Variants in CDKL4 observed in about 807,000 individuals in gnomAD.
CDKL4 encodes cyclin dependent kinase like 4.
CDKL4 carries 44 observed loss-of-function variants against 42.0 expected under a neutral mutation model. The observed-to-expected ratio is 1.05, with a 90% CI of 0.82 to 1.35. CDKL4 has a LOEUF of 1.35. CDKL4 is among the 40% of genes most tolerant of loss of function. The pLI, the probability that CDKL4 is intolerant of heterozygous loss-of-function variation, is 0.00. For missense variants in CDKL4, 393 were observed against 369.9 expected (o/e 1.06, Z -0.51); for synonymous variants, 120 against 121.6 (o/e 0.99, Z 0.09).
At chr2:39,236,087 C>T (rs1679354332) in intron 1 of CDKL4, among the ~76,000 whole-genome samples, 1 of 144,592 alleles carries the variant, frequency 6.9e-6, no homozygotes, top group Non-Finnish European at 1.5e-5. Context: ...AGGACAATGA[C>T]TCAATGAAGA....
intron 6 of CDKL4, among the ~76,000 whole-genome samples, chr2:39,189,128 A>G (rs571594133): frequency 1.3e-5 from 2 of 152,338 alleles, no homozygotes; most frequent in Admixed American, 1.3e-4. Flanking sequence ...AGAATTTTCC[A>G]TAATATGTTG....
At chr2:39,212,529 G>A (rs1316691090) in intron 4 of CDKL4, among the ~76,000 whole-genome samples, 4 of 151,852 alleles carry the variant, frequency 2.6e-5, no homozygotes, top group Admixed American at 6.6e-5. Context: ...CACCATGCCC[G>A]GCCGGAAACG....
At chr2:39,208,847 CA>C (rs775677027) in intron 4 of CDKL4, among the ~76,000 whole-genome samples, 6 of 151,520 alleles carry the variant, frequency 4.0e-5, no homozygotes, top group South Asian at 2.1e-4. Flanking sequence ...AACAATAAAT[CA>C]TTTTTTTTAT....
At chr2:39,174,084 T>C (rs999616907), downstream of CDKL4, among the ~76,000 whole-genome samples, 1 of 152,076 alleles carries the variant, frequency 6.6e-6, no homozygotes, top group African/African-American at 2.4e-5. Context: ...ACTAAGAATG[T>C]AGGCCAGATC....
intron 6 of CDKL4, among the ~76,000 whole-genome samples, chr2:39,188,368 C>T (rs1675955841): frequency 1.3e-5 from 2 of 151,798 alleles, no homozygotes; most frequent in Admixed American, 1.3e-4. Flanking sequence ...CGAGACCATC[C>T]TGGCCAACAT....
intron 1 of CDKL4, among the ~76,000 whole-genome samples, chr2:39,231,781 T>C (rs749559369): frequency 1.3e-5 from 2 of 152,150 alleles, no homozygotes; most frequent in East Asian, 1.9e-4. Context: ...GCTGGGAGCA[T>C]TGGCTCATGC....
intron 4 of CDKL4, among the ~76,000 whole-genome samples, chr2:39,208,639 G>GT (rs1280502289): frequency 1.3e-5 from 2 of 151,652 alleles, no homozygotes; most frequent in African/African-American, 4.8e-5. Context: ...CACCATGCTT[G>GT]GCCTTGTACA....
intron 3 of CDKL4, among the ~76,000 whole-genome samples, chr2:39,222,768 T>C (rs60638032): frequency 0.034 from 5,203 of 152,104 alleles, 300 homozygotes; most frequent in African/African-American, 0.12. Context: ...CATTGAATGT[T>C]TTATAATAGT....
chr2:39,212,593 T>C (rs1003286513), intron 4 of CDKL4, among the ~76,000 whole-genome samples: 13 of 151,870 alleles, frequency 8.6e-5, no homozygotes, highest in African/African-American at 3.1e-4. Flanking sequence ...GTAAAGGACT[T>C]AAGAGACTTA....
intron 2 of CDKL4, among the ~76,000 whole-genome samples, chr2:39,227,367 C>T (rs1678814166): frequency 6.6e-6 from 1 of 152,172 alleles, no homozygotes; most frequent in African/African-American, 2.4e-5. Context: ...CAATGCATGC[C>T]TCTACCTCAG....
chr2:39,208,769 A>C (rs1677379808), intron 4 of CDKL4, among the ~76,000 whole-genome samples: 1 of 145,726 alleles, frequency 6.9e-6, no homozygotes, highest in African/African-American at 2.6e-5. Context: ...TTTAAAACTG[A>C]CTTTTAACTT....
chr2:39,185,148 G>A (rs1572945036), intron 7 of CDKL4, among the ~76,000 whole-genome samples: 1 of 129,614 alleles, frequency 7.7e-6, no homozygotes, highest in African/African-American at 2.9e-5. Context: ...ATATATATGT[G>A]TATATATATA....
Position 39,185,251 on chromosome 2 carries a change from CATATGTATAT to C in CDKL4, c.736-614_736-605del, listed in dbSNP as rs1558546708. On this transcript the variant is annotated intron_variant, in intron 7 of 9. Coordinates refer to ENST00000451199, the Ensembl canonical transcript of CDKL4. ...ACATACGTATATATACATATATACA[CATATGTATAT>C]ATACATATATATACACATATGTATA... is the stretch of plus-strand genomic sequence containing the variant. 3.9e-3 allele frequency among the ~76,000 whole-genome samples: 263 copies of C among 67,536 alleles called. 70 individuals carry two copies. The highest frequency in any genetic ancestry group is 0.017 in the South Asian group (32 of 1,898). The allele number at this position is 67,536 out of a possible 152,430, so 44.3% of individuals were successfully genotyped here.
At chr2:39,181,222 C>G (rs182232939) in intron 8 of CDKL4, among the ~76,000 whole-genome samples, 1 of 152,314 alleles carries the variant, frequency 6.6e-6, no homozygotes, top group African/African-American at 2.4e-5. Context: ...TAATCTCTCA[C>G]TTTCCTTGCT....
chr2:39,180,848 G>A (rs1323949910), intron 8 of CDKL4, among the ~76,000 whole-genome samples: 2 of 152,052 alleles, frequency 1.3e-5, no homozygotes, highest in East Asian at 1.9e-4. Context: ...GCACCACCAT[G>A]CTGAGTACAT....
At chr2:39,180,584 C>A (rs150286958) in intron 8 of CDKL4, among the ~76,000 whole-genome samples, 6 of 152,280 alleles carry the variant, frequency 3.9e-5, no homozygotes, top group African/African-American at 1.4e-4. Context: ...AAGCAGATGA[C>A]CCCTAATTAA....
chr2:39,229,756 A>G (rs1484881536), intron 1 of CDKL4, among the ~76,000 whole-genome samples, 168 bp from the exon 2 acceptor site: 4 of 152,252 alleles, frequency 2.6e-5, no homozygotes, highest in Non-Finnish European at 5.9e-5. Flanking sequence ...AGTCCTCTGC[A>G]GCTCTTCCAG....
At position 39,191,423 on chromosome 2, in the gene CDKL4, G is replaced by C. The variant is rs549706982; in HGVS notation, c.455-921C>G. On this transcript the variant is annotated intron_variant, in intron 5 of 9. Transcript: ENST00000451199. ...ATATACAAAAAAAGAAGCTAGGATA[G>C]AGACATGGAAGGGGCCTCTCCTAGA... Among the ~76,000 whole-genome samples, 3 of 152,142 alleles carry C rather than the reference G, an allele frequency of 2.0e-5. No homozygotes were observed. The South Asian group carries it at 6.2e-4, about 32-fold the overall frequency.
intron 1 of CDKL4, among the ~76,000 whole-genome samples, chr2:39,233,126 C>T (rs754478188): frequency 5.1e-4 from 77 of 150,882 alleles, no homozygotes; most frequent in Non-Finnish European, 1.0e-3. Flanking sequence ...CTTGAGCTCC[C>T]ACTGTAAACC....
Sources: gnomAD v4.1 joint callset for allele counts (sites outside exome capture counted in the v4.1 genomes callset) on GRCh38, gnomAD v4.1.1 for gene constraint, MANE v1.5 for transcripts, NCBI Gene and HGNC (gene_info 2026-07-23, HGNC 2026-07-21) for gene names.